HDAC7: variants seen among roughly 807,000 people sequenced by gnomAD.
HDAC7 encodes histone deacetylase 7A.
In HDAC7, 26 loss-of-function variants were observed where a neutral mutation model predicts 115.5. That is an observed-to-expected ratio of 0.23 (90% CI 0.16 to 0.31). The LOEUF (loss-of-function observed/expected upper bound fraction) is 0.31. HDAC7 is among the 10% of genes least tolerant of loss of function. The pLI is 1.00. For synonymous variants in HDAC7, 564 were observed against 550.9 expected, an observed-to-expected ratio of 1.02 and a Z score of -0.33; for missense variants, 1,068 against 1,329.0, an observed-to-expected ratio of 0.80 and a Z score of 3.05.
At chr12:47,785,961 T>C in intron 22 of HDAC7, 76 bp from the exon 23 acceptor site, 1 of 1,394,136 alleles carries the variant, frequency 7.2e-7, no homozygotes, top group Non-Finnish European at 9.7e-7. Flanking sequence ...GTGGCTTCCC[T>C]GCTTGCTTCC....
intron 1 of HDAC7, among the ~76,000 whole-genome samples, chr12:47,813,204 C>A (rs1388241370): frequency 6.6e-6 from 1 of 151,426 alleles, no homozygotes; most frequent in African/African-American, 2.4e-5. Context: ...CTCCCCACCC[C>A]CCGCCCCAGC....
Position 47,795,112 on chromosome 12 carries a change from C to T in HDAC7, c.1284+72G>A, listed in dbSNP as rs1310369261. On this transcript the variant is annotated intron_variant, in intron 11 of 25. Coordinates refer to ENST00000080059, the MANE Select transcript of HDAC7 (RefSeq NM_015401.5). This position sits in a 1 kb window ranked among gnomAD's most constrained non-coding sequence, Gnocchi z 4.3. ...TCCAGTTCCCTGCCCTTTCTAAGTA[C>T]CCCTCTTCTTTTGGCCCCTAAGTCC... 1 of 1,385,378 alleles carries T rather than the reference C, an allele frequency of 7.2e-7. No individual in the cohort carries two copies. Among genetic ancestry groups the T allele is most frequent in the Admixed American group, 1.9e-5 (1 of 52,982 alleles). 85.8% of individuals were successfully genotyped at this position (1,385,378 alleles called of 1,614,324 possible). A position where few individuals can be genotyped will look rare whatever the true frequency, so the allele number is the denominator to read the frequency against.
upstream of HDAC7, among the ~76,000 whole-genome samples, chr12:47,820,837 C>G (rs1468022293): frequency 1.3e-5 from 2 of 151,896 alleles, no homozygotes; most frequent in African/African-American, 4.8e-5. The surrounding 1 kb of genome is among the most constrained non-coding windows in gnomAD (Gnocchi z 4.3). Flanking sequence ...GGAATGCAGC[C>G]GCCTCCAGCC....
chr12:47,819,448 G>A (rs1392279202), intron 1 of HDAC7, among the ~76,000 whole-genome samples: 1 of 152,174 alleles, frequency 6.6e-6, no homozygotes, highest in African/African-American at 2.4e-5. Flanking sequence ...CGTGGGGCCC[G>A]CACACCGGCG....
intron 16 of HDAC7, chr12:47,790,943 T>C (rs1943460760): frequency 1.5e-5 from 7 of 469,232 alleles, no homozygotes; most frequent in Non-Finnish European, 2.3e-5. Context: ...TGCCCAGTCA[T>C]GGGGGTCTTT....
intron 1 of HDAC7, among the ~76,000 whole-genome samples, chr12:47,805,769 C>T (rs1239774153): frequency 6.6e-6 from 1 of 152,216 alleles, no homozygotes; most frequent in Non-Finnish European, 1.5e-5. Flanking sequence ...GGCTAGGTCA[C>T]AGCCACCCAG....
In HDAC7 at chr12:47,802,205, C is replaced by T; in HGVS notation, c.70+19G>A. On this transcript the variant is annotated intron_variant, in intron 2 of 25. Transcript: ENST00000080059. ...ATCTTCCACTCCCTACCATGGACTCCCCCGGGTTTGACTCTTACCTGCGCC... is the reference window on the plus strand; with the variant it reads ...ATCTTCCACTCCCTACCATGGACTCTCCCGGGTTTGACTCTTACCTGCGCC... 1 of 1,610,904 alleles carries T rather than the reference C, an allele frequency of 6.2e-7. No homozygotes were observed. Among genetic ancestry groups the T allele is most frequent in the Non-Finnish European group, 8.5e-7 (1 of 1,178,662 alleles).
At chr12:47,800,458 C>T (rs1057127335) in intron 2 of HDAC7, among the ~76,000 whole-genome samples, 1 of 152,214 alleles carries the variant, frequency 6.6e-6, no homozygotes, top group African/African-American at 2.4e-5. Context: ...AGGTGCCCGC[C>T]ATGTCCCCCG....
intron 19 of HDAC7, 181 bp downstream of exon 19, chr12:47,789,080 T>C: frequency 4.9e-6 from 3 of 616,082 alleles, no homozygotes; most frequent in Non-Finnish European, 8.7e-6. Flanking sequence ...CCACACGCCA[T>C]CCCCTCTAGG....
chr12:47,820,918 T>C (rs561408847), upstream of HDAC7, among the ~76,000 whole-genome samples: 3 of 152,284 alleles, frequency 2.0e-5, no homozygotes, highest in Admixed American at 2.0e-4. The surrounding 1 kb of genome is among the most constrained non-coding windows in gnomAD (Gnocchi z 4.3). Context: ...CCCTCCGCTT[T>C]TAGCTGGAGA....
chr12:47,799,019 G>A (rs923259486), intron 2 of HDAC7, 47 bp from the exon 3 acceptor site: 14 of 1,343,752 alleles, frequency 1.0e-5, no homozygotes, highest in Middle Eastern at 4.1e-4. Flanking sequence ...GTTTGTCCTC[G>A]GGGGCATGAT....
Position 47,783,287 on chromosome 12 carries a change from C to T in HDAC7, c.*554G>A, listed in dbSNP as rs984380424. On this transcript the variant is annotated 3_prime_UTR_variant, in exon 26 of 26. Transcript: ENST00000080059. Reference sequence around the variant, plus strand: ...GCTGTCAGGGAGCTTCGTCTCAGTGCCCAGTGGTAGAGGGAAGCTTCCAGA... The same window carrying T: ...GCTGTCAGGGAGCTTCGTCTCAGTGTCCAGTGGTAGAGGGAAGCTTCCAGA... The T allele has an allele frequency of 6.4e-6, 1 of 155,938 alleles. No homozygotes were observed. The highest frequency in any genetic ancestry group is 1.4e-5 in the Non-Finnish European group (1 of 70,244). 9.7% of individuals were successfully genotyped at this position (155,938 alleles called of 1,614,324 possible).
At position 47,793,858 on chromosome 12, in the gene HDAC7, C is replaced by T. The variant is rs771756620; in HGVS notation, c.1459-270G>A. Reference sequence around the variant, plus strand: ...CCAAAGCCAGGAACCAGGGGAGGGGCGCTGGATCTTGTGCTGACCAGGATG... The same window carrying T: ...CCAAAGCCAGGAACCAGGGGAGGGGTGCTGGATCTTGTGCTGACCAGGATG... On this transcript the variant is annotated intron_variant, in intron 12 of 25. Coordinates refer to ENST00000080059, the MANE Select transcript of HDAC7 (RefSeq NM_015401.5). The surrounding 1 kb of genome is among the most constrained non-coding windows in gnomAD (Gnocchi z 4.5). 3.9e-5 allele frequency among the ~76,000 whole-genome samples: 6 copies of T among 152,304 alleles called. No homozygotes were observed. The South Asian group carries it at 6.2e-4, about 16-fold the overall frequency.
At chr12:47,813,720 C>T (rs1944766021) in intron 1 of HDAC7, among the ~76,000 whole-genome samples, 1 of 152,168 alleles carries the variant, frequency 6.6e-6, no homozygotes, top group South Asian at 2.1e-4. Context: ...GGCTGTGGAG[C>T]TTGGGCGGGA....
chr12:47,814,442 G>A (rs1029398115), intron 1 of HDAC7, among the ~76,000 whole-genome samples: 4 of 152,232 alleles, frequency 2.6e-5, no homozygotes, highest in African/African-American at 4.8e-5. Flanking sequence ...GGGAGATGGC[G>A]GAGAAGGGAA....
chr12:47,802,054 CCT>C (rs1229944109), intron 2 of HDAC7, among the ~76,000 whole-genome samples, 168 bp downstream of exon 2: 1 of 152,244 alleles, frequency 6.6e-6, no homozygotes, highest in African/African-American at 2.4e-5. Context: ...TCCAGAGCTG[CCT>C]CTCTTACCCC....
rs773857054 is a variant in HDAC7 at position 47,795,906 on chromosome 12, C to G, written c.906G>C (p.Arg302Ser). The G allele has an allele frequency of 3.9e-6, 6 of 1,548,172 alleles. No individual in the cohort carries two copies. Among genetic ancestry groups the G allele is most frequent in the Non-Finnish European group, 4.4e-6 (5 of 1,146,510 alleles). ...AITLGLPAPA[R>S]ADSDRRTHPT... ...GGGGGTGGGCACCCCAGCCACTCAC[C>G]CTGGCAGGGGCGGGCAGCCCCAGAG... The change falls in exon 9 of 26, where the codon AGG (arginine) becomes AGC (serine). Residue 302 changes from arginine (R) to serine (S), a missense_variant and splice_region_variant. Coordinates refer to ENST00000080059, the MANE Select transcript of HDAC7 (RefSeq NM_015401.5). This position sits in a 1 kb window ranked among gnomAD's most constrained non-coding sequence, Gnocchi z 4.3.
At chr12:47,814,769 A>G (rs991250672) in intron 1 of HDAC7, among the ~76,000 whole-genome samples, 1 of 152,204 alleles carries the variant, frequency 6.6e-6, no homozygotes, top group African/African-American at 2.4e-5. Flanking sequence ...GCACGGCTCC[A>G]GAGGCTCTGA....
rs1943500266 is a variant in HDAC7, at chr12:47,791,428, G to A, written c.1934-120C>T. 3 of 1,361,474 alleles carry A rather than the reference G, an allele frequency of 2.2e-6. No homozygotes were observed. The Admixed American group carries it at 6.9e-5, about 31-fold the overall frequency. 84.3% of individuals were successfully genotyped at this position (1,361,474 alleles called of 1,614,324 possible). A position where few individuals can be genotyped will look rare whatever the true frequency, so the allele number is the denominator to read the frequency against. On this transcript the variant is annotated intron_variant, in intron 15 of 25. Transcript: ENST00000080059. ...TTGGGGGAGAGAAATATGGAAGGGA[G>A]AGGTGGAGGTGGGCTGAGGAGGGGC...
Sources: allele counts gnomAD v4.1 joint callset (sites outside exome capture counted in the v4.1 genomes callset), GRCh38; gene constraint gnomAD v4.1.1; non-coding constraint Gnocchi (gnomAD v3.1); transcripts MANE v1.5; gene names NCBI Gene and HGNC (gene_info 2026-07-23, HGNC 2026-07-21).